The following RPS6KA2 variants were observed in gnomAD, a reference collection of about 807,000 sequenced individuals.
The protein encoded by RPS6KA2 is ribosomal protein S6 kinase alpha-2.
Under a neutral mutation model 91.8 loss-of-function variants are expected in RPS6KA2, and 42 were observed. That is an observed-to-expected ratio of 0.46 (90% CI 0.36 to 0.59). The LOEUF (loss-of-function observed/expected upper bound fraction) is 0.59. Among genes scored for constraint, RPS6KA2 ranks in the 20% least tolerant of loss-of-function variants. RPS6KA2 has a pLI of 0.00. For synonymous variants in RPS6KA2, 414 were observed against 393.6 expected (o/e 1.05, Z -0.61); for missense variants, 798 against 978.5 (o/e 0.82, Z 2.46).
intron 2 of RPS6KA2, among the ~76,000 whole-genome samples, chr6:166,716,439 G>T (rs542563899): frequency 3.9e-5 from 6 of 152,114 alleles, no homozygotes; most frequent in African/African-American, 1.4e-4. Flanking sequence ...TCATCCCAGC[G>T]GGCATCAATT....
intron 2 of RPS6KA2, among the ~76,000 whole-genome samples, chr6:166,837,538 C>T (rs1430107190): frequency 6.6e-6 from 1 of 152,254 alleles, no homozygotes; most frequent in African/African-American, 2.4e-5. Context: ...CCTGCCTAGC[C>T]CCCAGTCCCC....
chr6:166,434,942 C>G lies in RPS6KA2; in HGVS notation c.1333-2452G>C, dbSNP rs892119297. ...AAGGAAGGAGGAAACATTTAATTGCCTTGCCTTCCTGTGAGGAGGGGAACA... is the reference window on the plus strand; with the variant it reads ...AAGGAAGGAGGAAACATTTAATTGCGTTGCCTTCCTGTGAGGAGGGGAACA... On this transcript the variant is annotated intron_variant, in intron 14 of 20. Transcript: ENST00000265678. The surrounding 1 kb of genome is among the most constrained non-coding windows in gnomAD (Gnocchi z 4.4). 3.9e-5 allele frequency among the ~76,000 whole-genome samples: 6 copies of G among 152,132 alleles called. No homozygotes were observed. The highest frequency in any genetic ancestry group is 1.4e-4 in the African/African-American group (6 of 41,436).
chr6:166,634,949 T>C, intron 2 of RPS6KA2, among the ~76,000 whole-genome samples: 1 of 152,164 alleles, frequency 6.6e-6, no homozygotes, highest in Admixed American at 6.5e-5. Context: ...ACACCATAAA[T>C]ACCTCACATC....
At chr6:166,597,036 G>A (rs774759469) in intron 1 of RPS6KA2, among the ~76,000 whole-genome samples, 1 of 152,214 alleles carries the variant, frequency 6.6e-6, no homozygotes, top group African/African-American at 2.4e-5. Flanking sequence ...ACAGTCATGG[G>A]AACAGATGGA....
intron 14 of RPS6KA2, among the ~76,000 whole-genome samples, chr6:166,439,182 A>G (rs1188763445): frequency 6.6e-6 from 1 of 152,156 alleles, no homozygotes; most frequent in Non-Finnish European, 1.5e-5. Flanking sequence ...ATCTCGGCTC[A>G]CTGCAACTTC....
intron 1 of RPS6KA2, among the ~76,000 whole-genome samples, chr6:166,592,504 T>C (rs748629913): frequency 1.1e-4 from 16 of 152,230 alleles, no homozygotes; most frequent in Non-Finnish European, 1.9e-4. Context: ...AGCTGGAATG[T>C]GAACCCAGAA....
At chr6:166,783,795 T>G (rs9459752) in intron 2 of RPS6KA2, among the ~76,000 whole-genome samples, 6,746 of 111,120 alleles carry the variant, frequency 0.061, 962 homozygotes, top group Non-Finnish European at 0.11. Context: ...ACTACATATA[T>G]ACACGTGCAC....
chr6:166,509,387 T>G (rs1583221873), intron 4 of RPS6KA2: 1 of 170,036 alleles, frequency 5.9e-6, no homozygotes, highest in South Asian at 2.0e-4. Context: ...GGGGGCAGAG[T>G]TTTGGAAAGC....
chr6:166,622,776 G>T (rs1786691029), intron 1 of RPS6KA2, among the ~76,000 whole-genome samples: 1 of 152,182 alleles, frequency 6.6e-6, no homozygotes, highest in Non-Finnish European at 1.5e-5. Flanking sequence ...ACCAGAAATA[G>T]AAATAAATTG....
Position 166,423,416 on chromosome 6 carries a change from A to G in RPS6KA2, c.1583T>C (p.Val528Ala), listed in dbSNP as rs1264808638. Residue 528 changes from valine (V) to alanine (A), a missense_variant and splice_region_variant, in exon 17 of 21, where the codon GTT becomes GCT. Physicochemically the swap from Val to Ala is moderately conservative, Grantham distance 64. Coordinates refer to ENST00000265678, the MANE Select transcript of RPS6KA2 (RefSeq NM_021135.6). This position sits in a 1 kb window ranked among gnomAD's most constrained non-coding sequence, Gnocchi z 4.8. ...KTMDYLHSQGVVHRDLKPSNI... is the reference protein window; with the variant it reads ...KTMDYLHSQGAVHRDLKPSNI... ...ACTCGGCTTCAGGTCTCGATGAACA[A>G]CCTGCAAGACAGAAGGCACAGTGCC... 1.2e-6 allele frequency: 2 copies of G among 1,605,678 alleles called. No individual in the cohort carries two copies. The highest frequency in any genetic ancestry group is 1.7e-6 in the Non-Finnish European group (2 of 1,173,172).
chr6:166,709,774 G>A (rs753471335), intron 2 of RPS6KA2, among the ~76,000 whole-genome samples: 13 of 152,158 alleles, frequency 8.5e-5, no homozygotes, highest in Middle Eastern at 3.4e-3. Context: ...GTCCCTTCTC[G>A]TCACCAGGAC....
At chr6:166,476,427 C>T (rs939525381) in intron 10 of RPS6KA2, among the ~76,000 whole-genome samples, 19 of 152,156 alleles carry the variant, frequency 1.2e-4, no homozygotes, top group Admixed American at 3.3e-4. Context: ...CACTGTGGTC[C>T]GCTGGGCATT....
chr6:166,702,814 A>C, intron 2 of RPS6KA2: 1 of 1,061,052 alleles, frequency 9.4e-7, no homozygotes. Flanking sequence ...GTTCTCGCTG[A>C]GGTTTCTGAT....
chr6:166,560,107 G>C (rs560551529), intron 1 of RPS6KA2, among the ~76,000 whole-genome samples: 27 of 152,258 alleles, frequency 1.8e-4, no homozygotes, highest in Middle Eastern at 6.8e-3. Flanking sequence ...CACACTGTCA[G>C]GACAGTACCA....
In RPS6KA2 at chr6:166,532,675, G is replaced by C. The variant is rs182318963; in HGVS notation, c.217-1362C>G. On this transcript the variant is annotated intron_variant, in intron 2 of 20. Coordinates refer to ENST00000265678, the MANE Select transcript of RPS6KA2 (RefSeq NM_021135.6). ...CCTACCCGGGGTGCAGGACGGTACA[G>C]CATCATCCTGTGTGATGAAATGCTG... 2.0e-5 allele frequency among the ~76,000 whole-genome samples: 3 copies of C among 152,312 alleles called. No individual in the cohort carries two copies. The East Asian group carries it at 5.8e-4, about 29-fold the overall frequency.
In RPS6KA2 at chr6:166,528,602, C is replaced by T. The variant is rs533686178; in HGVS notation, c.298+2630G>A. ...ATTAAACTAAAGAGCTTCCACACAG[C>T]AAAAGAAACTACCATCAGAGTCAAC... On this transcript the variant is annotated intron_variant, in intron 3 of 20. Transcript: ENST00000265678. Among the ~76,000 whole-genome samples the T allele has an allele frequency of 2.0e-5, 3 of 151,110 alleles. No homozygotes were observed. In the East Asian group the frequency reaches 5.8e-4, roughly 29 times the overall value.
chr6:166,824,037 T>G (rs906962089), intron 2 of RPS6KA2, among the ~76,000 whole-genome samples: 1 of 152,138 alleles, frequency 6.6e-6, no homozygotes. Flanking sequence ...ATTCTATAAT[T>G]CTATCTCTGG....
intron 2 of RPS6KA2, among the ~76,000 whole-genome samples, chr6:166,690,685 C>A (rs1353433458): frequency 6.6e-6 from 1 of 152,188 alleles, no homozygotes; most frequent in Non-Finnish European, 1.5e-5. Context: ...CTCTGCAGGT[C>A]CACAGTGAGA....
At chr6:166,702,523 A>C in intron 2 of RPS6KA2, 1 of 1,471,360 alleles carries the variant, frequency 6.8e-7, no homozygotes, top group Admixed American at 1.7e-5. Context: ...GCTCTCCACC[A>C]CTCCATACTG....
Sources: gnomAD v4.1 joint callset for allele counts (sites outside exome capture counted in the v4.1 genomes callset) on GRCh38, gnomAD v4.1.1 for gene constraint, Gnocchi (gnomAD v3.1) non-coding constraint, MANE v1.5 for transcripts, NCBI Gene and HGNC (gene_info 2026-07-23, HGNC 2026-07-21) for gene names.